DLG2: variants seen among roughly 807,000 people sequenced by gnomAD.
DLG2 encodes disks large homolog 2.
In DLG2, 45 loss-of-function variants were observed where a neutral mutation model predicts 132.5. The ratio of observed to expected loss-of-function variants is 0.34; its 90% CI spans 0.27 to 0.44. The LOEUF (loss-of-function observed/expected upper bound fraction) is 0.44, where lower values mean the gene tolerates loss of function less well. Among genes scored for constraint, DLG2 ranks in the 20% least tolerant of loss-of-function variants. The probability of loss-of-function intolerance (pLI) is 1.00; values close to 1 mark genes in which losing one functional copy is unlikely to be tolerated. For missense variants in DLG2, 1,045 were observed against 1,196.9 expected, an observed-to-expected ratio of 0.87 and a Z score of 1.87; for synonymous variants, 424 against 419.6, an observed-to-expected ratio of 1.01 and a Z score of -0.13.
At chr11:83,939,792 G>A (rs879226637) in intron 14 of DLG2, among the ~76,000 whole-genome samples, 2 of 151,996 alleles carry the variant, frequency 1.3e-5, no homozygotes, top group Admixed American at 1.3e-4. Context: ...TACTTCTGTA[G>A]GCCAATTTTA....
At chr11:84,547,779 A>T (rs2099393183) in intron 6 of DLG2, among the ~76,000 whole-genome samples, 1 of 152,046 alleles carries the variant, frequency 6.6e-6, no homozygotes, top group Non-Finnish European at 1.5e-5. Context: ...TTCACAATTC[A>T]TTATTGTACC....
At chr11:84,951,467 TA>T (rs1319087299) in intron 6 of DLG2, among the ~76,000 whole-genome samples, 5 of 152,232 alleles carry the variant, frequency 3.3e-5, no homozygotes, top group African/African-American at 1.2e-4. Context: ...ACCTAATTAT[TA>T]AGACCAGAGC....
At chr11:84,776,457 G>C (rs904564675) in intron 6 of DLG2, among the ~76,000 whole-genome samples, 2 of 152,082 alleles carry the variant, frequency 1.3e-5, no homozygotes, top group African/African-American at 4.8e-5. Flanking sequence ...TGCCTGGCCT[G>C]TGATGTTTGA....
chr11:84,686,638 T>TTG (rs747026311), intron 6 of DLG2, among the ~76,000 whole-genome samples: 10,553 of 150,312 alleles, frequency 0.07, 490 homozygotes, highest in Middle Eastern at 0.11. Context: ...AGGTTTTTTT[T>TTG]TTTTTTTTTT....
intron 8 of DLG2, among the ~76,000 whole-genome samples, chr11:84,220,875 G>GT (rs1566970465): frequency 0.029 from 1 of 34 alleles, no homozygotes; most frequent in Non-Finnish European, 0.056. Flanking sequence ...TTCACCTCCA[G>GT]GCTCAAGCGA....
chr11:85,598,703 T>G lies in DLG2; in HGVS notation c.-7A>C. On this transcript the variant is annotated 5_prime_UTR_variant, in exon 3 of 28. Transcript: ENST00000376104. ...TGCTCTTAAAGATACCCATCACCTTTTTAACCGCATTTTTCAACAGCTGCT... is the reference window on the plus strand; with the variant it reads ...TGCTCTTAAAGATACCCATCACCTTGTTAACCGCATTTTTCAACAGCTGCT... 1 of 1,579,028 alleles carries G rather than the reference T, an allele frequency of 6.3e-7. No individual in the cohort carries two copies. The highest frequency in any genetic ancestry group is 8.6e-7 in the Non-Finnish European group (1 of 1,165,074).
At chr11:85,461,743 G>C (rs2092621672) in intron 3 of DLG2, among the ~76,000 whole-genome samples, 1 of 152,194 alleles carries the variant, frequency 6.6e-6, no homozygotes, top group Non-Finnish European at 1.5e-5. Flanking sequence ...CTAGCATGTA[G>C]TGAACTCCCT....
intron 10 of DLG2, among the ~76,000 whole-genome samples, chr11:84,087,958 T>C (rs528961785): frequency 3.3e-5 from 5 of 152,348 alleles, no homozygotes; most frequent in East Asian, 3.9e-4. Flanking sequence ...TACGAAATGA[T>C]TGATCATTTT....
intron 15 of DLG2, among the ~76,000 whole-genome samples, chr11:83,894,751 C>A (rs556654181): frequency 6.6e-6 from 1 of 152,162 alleles, no homozygotes; most frequent in Non-Finnish European, 1.5e-5. Flanking sequence ...CTTGTTTCTT[C>A]CATCTAACTA....
At chr11:85,373,012 G>A (rs2085111078) in intron 3 of DLG2, among the ~76,000 whole-genome samples, 1 of 152,188 alleles carries the variant, frequency 6.6e-6, no homozygotes, top group East Asian at 1.9e-4. Context: ...TCTCTCTTCA[G>A]ATAGGTAATT....
At chr11:83,644,494 G>C (rs1312253852) in intron 18 of DLG2, among the ~76,000 whole-genome samples, 1 of 152,012 alleles carries the variant, frequency 6.6e-6, no homozygotes, top group Non-Finnish European at 1.5e-5. Context: ...AAATCACCTA[G>C]CTAGATTCTC....
intron 3 of DLG2, among the ~76,000 whole-genome samples, chr11:85,330,792 T>TAAAAAAAAAAAAAAAAAAAAAAAAA (rs56995757): frequency 5.2e-5 from 6 of 116,492 alleles, no homozygotes; most frequent in Non-Finnish European, 8.8e-5. Context: ...AAAAAAAAAT[T>TAAAAAAAAAAAAAAAAAAAAAAAAA]AAAAAAAAAA....
intron 12 of DLG2, among the ~76,000 whole-genome samples, chr11:83,968,241 T>C (rs978346307): frequency 2.6e-5 from 4 of 152,204 alleles, no homozygotes; most frequent in Admixed American, 6.5e-5. Context: ...TGTTGCTATG[T>C]AAGTTCCATG....
At chr11:84,373,268 A>AAAAAC (rs1567449347) in intron 7 of DLG2, among the ~76,000 whole-genome samples, 2 of 135,744 alleles carry the variant, frequency 1.5e-5, no homozygotes, top group African/African-American at 3.0e-5. Flanking sequence ...AAAAAAACAA[A>AAAAAC]ACAAAAAAAA....
intron 6 of DLG2, among the ~76,000 whole-genome samples, chr11:84,587,119 A>G (rs1183042523): frequency 6.8e-6 from 1 of 148,010 alleles, no homozygotes; most frequent in Non-Finnish European, 1.5e-5. Context: ...TATCCAGGTG[A>G]CAACTTTTTG....
chr11:84,270,046 C>T (rs1362772377), intron 7 of DLG2, among the ~76,000 whole-genome samples: 1 of 152,126 alleles, frequency 6.6e-6, no homozygotes, highest in Admixed American at 6.5e-5. Flanking sequence ...AAACACAGGC[C>T]AGTCTCTATG....
At chr11:84,575,539 C>T (rs1173118398) in intron 6 of DLG2, among the ~76,000 whole-genome samples, 2 of 152,050 alleles carry the variant, frequency 1.3e-5, no homozygotes, top group Non-Finnish European at 2.9e-5. Flanking sequence ...TTAAATGTAT[C>T]TTTTAAGAAA....
chr11:85,103,824 G>A (rs1244252091), intron 6 of DLG2, among the ~76,000 whole-genome samples: 3 of 151,850 alleles, frequency 2.0e-5, no homozygotes, highest in Non-Finnish European at 4.4e-5. Context: ...TCACATATCT[G>A]ATAAGGGACT....
At chr11:84,088,717 G>A (rs573190951) in intron 10 of DLG2, among the ~76,000 whole-genome samples, 1 of 152,150 alleles carries the variant, frequency 6.6e-6, no homozygotes, top group African/African-American at 2.4e-5. Flanking sequence ...AAAATCAAAA[G>A]AGAGGGTTGT....
Sources: gnomAD v4.1 joint callset for allele counts (sites outside exome capture counted in the v4.1 genomes callset) on GRCh38, gnomAD v4.1.1 for gene constraint, MANE v1.5 for transcripts, NCBI Gene and HGNC (gene_info 2026-07-23, HGNC 2026-07-21) for gene names.